SULF2: variants seen among roughly 807,000 people sequenced by gnomAD.
SULF2 encodes the protein extracellular sulfatase Sulf-2.
SULF2 carries 52 observed loss-of-function variants against 107.7 expected under a neutral mutation model. The observed-to-expected ratio is 0.48, with a 90% CI of 0.39 to 0.61. SULF2 has a LOEUF of 0.61. SULF2 is among the 20% of genes least tolerant of loss of function. SULF2 has a pLI of 0.00. For missense variants in SULF2, 993 were observed against 1,177.3 expected, an observed-to-expected ratio of 0.84 and a Z score of 2.29; for synonymous variants, 460 against 464.3, an observed-to-expected ratio of 0.99 and a Z score of 0.12.
chr20:47,663,345 C>T (rs2087150128), intron 16 of SULF2, 108 bp downstream of exon 16: 1 of 1,576,208 alleles, frequency 6.3e-7, no homozygotes, highest in Non-Finnish European at 8.6e-7. Context: ...CACCGTGGAC[C>T]CCTGGTGTTG....
chr20:47,779,596 T>G (rs575249432), intron 1 of SULF2, among the ~76,000 whole-genome samples: 2 of 152,120 alleles, frequency 1.3e-5, no homozygotes, highest in East Asian at 3.9e-4. Context: ...CCTCCAATGG[T>G]TCTCCATTTT....
chr20:47,773,854 A>AC (rs1025699618), intron 1 of SULF2, among the ~76,000 whole-genome samples: 1 of 152,056 alleles, frequency 6.6e-6, no homozygotes, highest in African/African-American at 2.4e-5. Flanking sequence ...AGCCCTGCTT[A>AC]CCCCCACAGA....
upstream of SULF2, chr20:47,785,956 G>A (rs2090925721): frequency 6.5e-6 from 1 of 152,704 alleles, no homozygotes; most frequent in East Asian, 1.9e-4. Context: ...GGGTCCCGGC[G>A]GCTCTCGACC....
chr20:47,678,930 G>T lies in SULF2; in HGVS notation c.1065-126C>A. On this transcript the variant is annotated intron_variant, in intron 7 of 20. Transcript: ENST00000688720. The surrounding 1 kb of genome is among the most constrained non-coding windows in gnomAD (Gnocchi z 4.5). ...GCTGACATCTGCAGGTATGGAAGCT[G>T]CAGTCTGGCACCTCAACCTCAGCAG... is the stretch of plus-strand genomic sequence containing the variant. The T allele has an allele frequency of 1.3e-6, 1 of 787,100 alleles. No individual in the cohort carries two copies. The highest frequency in any genetic ancestry group is 2.5e-5 in the East Asian group (1 of 39,610). 48.8% of individuals were successfully genotyped at this position (787,100 alleles called of 1,614,324 possible). A position where few individuals can be genotyped will look rare whatever the true frequency, so the allele number is the denominator to read the frequency against.
intron 1 of SULF2, among the ~76,000 whole-genome samples, chr20:47,780,501 C>A (rs1359914706): frequency 6.6e-6 from 1 of 152,188 alleles, no homozygotes; most frequent in East Asian, 1.9e-4. Flanking sequence ...AGAGGCCTCC[C>A]TGACAGCCTG....
intron 3 of SULF2, among the ~76,000 whole-genome samples, chr20:47,735,719 T>C (rs912501684): frequency 3.3e-5 from 5 of 152,218 alleles, no homozygotes; most frequent in African/African-American, 7.2e-5. Context: ...ATTCTGGCTA[T>C]GGGATGAGGC....
At chr20:47,684,991 C>CTG (rs1324626614) in intron 5 of SULF2, 61 of 160,672 alleles carry the variant, frequency 3.8e-4, no homozygotes, top group Non-Finnish European at 7.0e-4. Flanking sequence ...GTACCCAACT[C>CTG]AAATTCCATA....
rs6125082 is a variant in SULF2, at chr20:47,714,623, C to T, written c.416-11953G>A. Reference sequence around the variant, plus strand: ...CCATTAAATCACAAATTTGATCAAGCCCCCCACTCTGTGCAAAGCCCTTCA... The same window carrying T: ...CCATTAAATCACAAATTTGATCAAGTCCCCCACTCTGTGCAAAGCCCTTCA... On this transcript the variant is annotated intron_variant, in intron 3 of 20. Transcript: ENST00000688720. Among the ~76,000 whole-genome samples, 466 of 152,302 alleles carry T rather than the reference C, an allele frequency of 3.1e-3. 4 individuals are homozygous for T. The East Asian group carries it at 0.032, about 11-fold the overall frequency.
Position 47,768,985 on chromosome 20 carries a change from A to T in SULF2, c.-100-11522T>A, listed in dbSNP as rs532072853. 1.3e-3 allele frequency among the ~76,000 whole-genome samples: 196 copies of T among 148,342 alleles called. 1 individual carries two copies. The highest frequency in any genetic ancestry group is 4.6e-3 in the African/African-American group (183 of 40,162). ...AACCTCCACCTCCCAGGTTCAAGTG[A>T]TTCTCCTGCCTCAGCCTCCTGAGTA... On this transcript the variant is annotated intron_variant, in intron 1 of 20. Coordinates refer to ENST00000688720, the MANE Select transcript of SULF2 (RefSeq NM_001387048.1).
intron 2 of SULF2, 62 bp from the exon 3 acceptor site, chr20:47,737,004 G>A: frequency 6.2e-7 from 1 of 1,604,554 alleles, no homozygotes. Context: ...CGGCACCAGG[G>A]GGCTCTCAGC....
intron 4 of SULF2, among the ~76,000 whole-genome samples, chr20:47,696,156 T>C (rs2088368331): frequency 6.6e-6 from 1 of 152,244 alleles, no homozygotes; most frequent in African/African-American, 2.4e-5. Context: ...TTACATTACT[T>C]AGCCTCTCTG....
At chr20:47,743,508 C>T (rs1247744183) in intron 2 of SULF2, among the ~76,000 whole-genome samples, 1 of 152,190 alleles carries the variant, frequency 6.6e-6, no homozygotes, top group Non-Finnish European at 1.5e-5. Context: ...TGGGGCTTCA[C>T]CACGTTGCCC....
chr20:47,712,949 C>T (rs183108390), intron 3 of SULF2, among the ~76,000 whole-genome samples: 241 of 152,054 alleles, frequency 1.6e-3, no homozygotes, highest in Non-Finnish European at 2.4e-3. Flanking sequence ...GTGGGAGAAT[C>T]GCTTGAGCCC....
At chr20:47,778,582 C>T (rs1351819367) in intron 1 of SULF2, among the ~76,000 whole-genome samples, 1 of 152,248 alleles carries the variant, frequency 6.6e-6, no homozygotes, top group African/African-American at 2.4e-5. Context: ...GCCATGCCAA[C>T]AGCTGTTCCA....
intron 14 of SULF2, 47 bp from the exon 15 acceptor site, chr20:47,664,236 G>T: frequency 6.4e-7 from 1 of 1,571,560 alleles, no homozygotes; most frequent in Non-Finnish European, 8.7e-7. Flanking sequence ...GGCTCAGAGG[G>T]CTCCGCTGGC....
chr20:47,730,234 C>G (rs1378144593), intron 3 of SULF2, among the ~76,000 whole-genome samples: 1 of 152,180 alleles, frequency 6.6e-6, no homozygotes, highest in African/African-American at 2.4e-5. Flanking sequence ...GCATGTACCC[C>G]CTGCTCCCCT....
chr20:47,784,328 A>C (rs1469289188), intron 1 of SULF2, among the ~76,000 whole-genome samples: 1 of 152,184 alleles, frequency 6.6e-6, no homozygotes, highest in Non-Finnish European at 1.5e-5. Flanking sequence ...TAACTCAAAA[A>C]GTGATTAAAA....
At chr20:47,661,003 G>A (rs188036532) in intron 18 of SULF2, among the ~76,000 whole-genome samples, 6 of 152,186 alleles carry the variant, frequency 3.9e-5, no homozygotes, top group East Asian at 1.9e-4. Flanking sequence ...GGCCATCTTC[G>A]CTGTTTTCTC....
chr20:47,702,498 G>T (rs1342295765), intron 4 of SULF2, 21 bp downstream of exon 4: 5 of 1,608,002 alleles, frequency 3.1e-6, no homozygotes, highest in Non-Finnish European at 4.2e-6. Context: ...CCACTCCCAG[G>T]CTGGAAAGGT....
Sources: allele counts gnomAD v4.1 joint callset (sites outside exome capture counted in the v4.1 genomes callset), GRCh38; gene constraint gnomAD v4.1.1; non-coding constraint Gnocchi (gnomAD v3.1); transcripts MANE v1.5; gene names NCBI Gene and HGNC (gene_info 2026-07-23, HGNC 2026-07-21).